The following CATSPER4 variants were observed in gnomAD, a reference collection of about 807,000 sequenced individuals.
CATSPER4 encodes cation channel sperm associated 4.
In CATSPER4, 46 loss-of-function variants were observed where a neutral mutation model predicts 54.4. That is an observed-to-expected ratio of 0.84 (90% CI 0.67 to 1.08). The LOEUF (loss-of-function observed/expected upper bound fraction) is 1.08. Among genes scored for constraint, CATSPER4 ranks in the 50% least tolerant of loss-of-function variants. The pLI is 0.00. For synonymous variants in CATSPER4, 230 were observed against 231.9 expected (o/e 0.99, Z 0.08); for missense variants, 574 against 612.8 (o/e 0.94, Z 0.67).
In CATSPER4 at chr1:26,200,886, C is replaced by T. The variant is rs770383754; in HGVS notation, c.1044C>T (p.Val348=). The stretch of plus-strand genomic sequence containing the variant: ...AGCTGCCACTGGTGCATTGTGTGGT[C>T]GCCCGCTCGGAGAAATCTGGTCTCC... The part of the protein sequence containing the change: ...NDQLPLVHCV[V]ARSEKSGLLQ... Residue 348 remains valine, a synonymous_variant, in exon 8 of 10, where the codon GTC becomes GTT. Coordinates refer to ENST00000456354, the MANE Select transcript of CATSPER4 (RefSeq NM_198137.2). The T allele has an allele frequency of 5.3e-5, 86 of 1,614,016 alleles. No individual in the cohort carries two copies. Among genetic ancestry groups the T allele is most frequent in the South Asian group, 1.1e-5 (1 of 91,092 alleles).
chr1:26,195,506 C>CTTT (rs34814169), intron 3 of CATSPER4, among the ~76,000 whole-genome samples: 24 of 142,204 alleles, frequency 1.7e-4, no homozygotes, highest in Middle Eastern at 3.3e-3. Flanking sequence ...TTTTCTTTTT[C>CTTT]TTTTTTTTTT....
At chr1:26,197,863 G>C in intron 4 of CATSPER4, 80 bp downstream of exon 4, 1 of 1,606,134 alleles carries the variant, frequency 6.2e-7, no homozygotes, top group South Asian at 1.1e-5. Context: ...ACCAGCTGGA[G>C]ATCAGCTTTG....
intron 2 of CATSPER4, among the ~76,000 whole-genome samples, chr1:26,192,654 T>C (rs890230119): frequency 2.0e-5 from 3 of 150,790 alleles, no homozygotes; most frequent in Non-Finnish European, 4.4e-5. Flanking sequence ...CTGGAACTCC[T>C]GGGCTCAAGC....
chr1:26,202,611 T>G lies in CATSPER4; in HGVS notation c.*69T>G. On this transcript the variant is annotated 3_prime_UTR_variant, in exon 10 of 10. Transcript: ENST00000456354. ...CCGCTGCGTCTTCCTGTGTCCTTAG[T>G]GTGGCTTGGCAGAGCCTGGCCAGAG... The G allele has an allele frequency of 6.8e-7, 1 of 1,465,298 alleles. No homozygotes were observed. Among genetic ancestry groups the G allele is most frequent in the East Asian group, 2.4e-5 (1 of 42,190 alleles). The allele number at this position is 1,465,298 out of a possible 1,614,324, so 90.8% of individuals were successfully genotyped here.
At chr1:26,196,913 CTTTT>C (rs1230900409) in intron 3 of CATSPER4, among the ~76,000 whole-genome samples, 2,386 of 71,382 alleles carry the variant, frequency 0.033, 32 homozygotes, top group Non-Finnish European at 0.048. Context: ...TCTTTTCTTT[CTTTT>C]TTTTTTTTTT....
intron 2 of CATSPER4, 44 bp from the exon 3 acceptor site, chr1:26,193,743 C>G (rs552734631): frequency 1.5e-6 from 2 of 1,341,014 alleles, no homozygotes; most frequent in East Asian, 4.6e-5. Flanking sequence ...AGGCCCTGCT[C>G]CACTGACCTC....
rs1321594409 is a variant in CATSPER4, at chr1:26,199,903, G to C, written c.832G>C (p.Ala278Pro). 1 of 1,614,172 alleles carries C rather than the reference G, an allele frequency of 6.2e-7. No homozygotes were observed. The highest frequency in any genetic ancestry group is 2.2e-5 in the East Asian group (1 of 44,892). ...SDFQTEKREY[A>P]MEIGGAIYFT... ...CTGCAGGACAGAGAAGAGGGAATAT[G>C]CAATGGAGATTGGGGGTGCCATCTA... The change falls in exon 7 of 10, where the codon GCA becomes CCA. Residue 278 changes from alanine to proline, a missense_variant. Physicochemically the swap from Ala to Pro is conservative, Grantham distance 27 (BLOSUM62 -1). Coordinates refer to ENST00000456354, the MANE Select transcript of CATSPER4 (RefSeq NM_198137.2).
At chr1:26,196,432 ACAGGGTCTCACCCC>A (rs2088940225) in intron 3 of CATSPER4, among the ~76,000 whole-genome samples, 1 of 83,540 alleles carries the variant, frequency 1.2e-5, no homozygotes, top group Non-Finnish European at 2.2e-5. Flanking sequence ...TTTTTTTGAG[ACAGGGTCTCACCCC>A]TGTTGCTCAG....
intron 2 of CATSPER4, among the ~76,000 whole-genome samples, chr1:26,192,974 C>T (rs1446372296): frequency 1.3e-5 from 2 of 151,582 alleles, no homozygotes; most frequent in East Asian, 1.9e-4. Context: ...ATGGTGCGCA[C>T]GCCTATAATC....
At chr1:26,196,650 A>C (rs2088942247) in intron 3 of CATSPER4, among the ~76,000 whole-genome samples, 1 of 151,694 alleles carries the variant, frequency 6.6e-6, no homozygotes, top group Non-Finnish European at 1.5e-5. Flanking sequence ...AGCTCAAGCA[A>C]TCCTCCCACC....
chr1:26,202,419 G>A, intron 9 of CATSPER4, 70 bp from the exon 10 acceptor site: 1 of 1,368,294 alleles, frequency 7.3e-7, no homozygotes. Context: ...TGAGACTGGA[G>A]GAGGTGAGTA....
chr1:26,195,934 G>A (rs1435558767), intron 3 of CATSPER4, among the ~76,000 whole-genome samples: 5 of 152,144 alleles, frequency 3.3e-5, no homozygotes, highest in African/African-American at 1.2e-4. Flanking sequence ...ATTTCAACAT[G>A]AGATTTGGAG....
chr1:26,196,648 C>T (rs1295667865), intron 3 of CATSPER4, among the ~76,000 whole-genome samples: 2 of 151,796 alleles, frequency 1.3e-5, no homozygotes, highest in Non-Finnish European at 2.9e-5. Context: ...TGAGCTCAAG[C>T]AATCCTCCCA....
intron 2 of CATSPER4, among the ~76,000 whole-genome samples, chr1:26,193,396 C>A (rs2088893205): frequency 6.6e-6 from 1 of 152,142 alleles, no homozygotes; most frequent in Non-Finnish European, 1.5e-5. Context: ...CTTTTCCTCC[C>A]AATCCTGGAG....
In CATSPER4 at chr1:26,195,308, A is replaced by C. The variant is rs2088923908; in HGVS notation, c.459+1420A>C. Reference sequence around the variant, plus strand: ...CCCGAGGTTGAATAACTTATAAAGAAAGGAGTTGTATTTGGCTCCCAGTTC... The same window carrying C: ...CCCGAGGTTGAATAACTTATAAAGACAGGAGTTGTATTTGGCTCCCAGTTC... On this transcript the variant is annotated intron_variant, in intron 3 of 9. Coordinates refer to ENST00000456354, the MANE Select transcript of CATSPER4 (RefSeq NM_198137.2). Among the ~76,000 whole-genome samples the C allele has an allele frequency of 2.6e-5, 4 of 152,254 alleles. No homozygotes were observed. In the South Asian group the frequency reaches 8.3e-4, roughly 32 times the overall value.
chr1:26,199,264 C>T (rs952698874), intron 6 of CATSPER4, among the ~76,000 whole-genome samples: 4 of 152,030 alleles, frequency 2.6e-5, no homozygotes, highest in South Asian at 2.1e-4. Flanking sequence ...GGTGAAACCC[C>T]GTCTCTACTA....
In CATSPER4 at chr1:26,200,077, G is replaced by T. The variant is rs375486173; in HGVS notation, c.987+19G>T. On this transcript the variant is annotated intron_variant, in intron 7 of 9. Coordinates refer to ENST00000456354, the MANE Select transcript of CATSPER4 (RefSeq NM_198137.2). ...TAGTGAGGTGCGTGGGATGGGGAGG[G>T]CAGAAGGGAGGAAAAGGAGTGTGTA... is the stretch of plus-strand genomic sequence containing the variant. 8 of 1,609,110 alleles carry T rather than the reference G, an allele frequency of 5.0e-6. No individual in the cohort carries two copies. The African/African-American group carries it at 1.1e-4, about 21-fold the overall frequency.
rs2089020575 is a variant in CATSPER4 at position 26,202,640 on chromosome 1, A to G, written c.*98A>G. On this transcript the variant is annotated 3_prime_UTR_variant, in exon 10 of 10. Transcript: ENST00000456354. ...GCTTGGCAGAGCCTGGCCAGAGCCC[A>G]TCCTCTCCCTTATACCTGGGCAGAG... is the stretch of plus-strand genomic sequence containing the variant. The G allele has an allele frequency of 8.7e-7, 1 of 1,146,410 alleles. No homozygotes were observed. Among genetic ancestry groups the G allele is most frequent in the African/African-American group, 1.5e-5 (1 of 65,310 alleles). The allele number at this position is 1,146,410 out of a possible 1,614,324, so 71.0% of individuals were successfully genotyped here. A position where few individuals can be genotyped will look rare whatever the true frequency, so the allele number is the denominator to read the frequency against.
rs925587615 is a variant in CATSPER4, at chr1:26,200,206, A to G, written c.987+148A>G. The G allele has an allele frequency of 5.8e-6, 5 of 860,658 alleles. No individual in the cohort carries two copies. In the Admixed American group the frequency reaches 1.3e-4, roughly 23 times the overall value. 53.3% of individuals were successfully genotyped at this position (860,658 alleles called of 1,614,324 possible). A position where few individuals can be genotyped will look rare whatever the true frequency, so the allele number is the denominator to read the frequency against. On this transcript the variant is annotated intron_variant, in intron 7 of 9. Transcript: ENST00000456354. ...CTGGAGGCAGCAGCCCCCCATCTTG[A>G]GTGCCCACCCACCAACTGGGGCTTC...
Sources: gnomAD v4.1 joint callset for allele counts (sites outside exome capture counted in the v4.1 genomes callset) on GRCh38, gnomAD v4.1.1 for gene constraint, MANE v1.5 for transcripts, NCBI Gene and HGNC (gene_info 2026-07-23, HGNC 2026-07-21) for gene names.